The following ST18 variants were observed in gnomAD, a reference collection of about 807,000 sequenced individuals.
ST18 encodes the protein ST18 C2H2C-type zinc finger transcription factor, also known as suppression of tumorigenicity 18 protein.
A neutral mutation model predicts 110.0 loss-of-function variants in ST18; 50 were observed. That is an observed-to-expected ratio of 0.45 (90% CI 0.36 to 0.58). ST18 has a LOEUF of 0.58. Among genes scored for constraint, ST18 ranks in the 20% least tolerant of loss-of-function variants. ST18 has a pLI of 0.00. For synonymous variants in ST18, 461 were observed against 452.4 expected, an observed-to-expected ratio of 1.02 and a Z score of -0.24; for missense variants, 1,306 against 1,280.1, an observed-to-expected ratio of 1.02 and a Z score of -0.31.
intron 15 of ST18, among the ~76,000 whole-genome samples, chr8:52,155,464 T>C (rs538088143): frequency 1.3e-5 from 2 of 152,282 alleles, no homozygotes; most frequent in African/African-American, 2.4e-5. Flanking sequence ...TGGGCAGTGA[T>C]TGGCAATGTC....
intron 2 of ST18, among the ~76,000 whole-genome samples, chr8:52,324,594 G>A (rs961383224): frequency 1.3e-5 from 2 of 152,160 alleles, no homozygotes; most frequent in African/African-American, 4.8e-5. Flanking sequence ...AGCTATGATT[G>A]TACCATTTCT....
chr8:52,311,926 C>T (rs2095921630), intron 2 of ST18, among the ~76,000 whole-genome samples: 1 of 152,162 alleles, frequency 6.6e-6, no homozygotes, highest in South Asian at 2.1e-4. Flanking sequence ...TATGAAACCA[C>T]TGGACAATGT....
chr8:52,137,239 C>G (rs558043551), intron 18 of ST18, among the ~76,000 whole-genome samples, 182 bp downstream of exon 18: 1 of 152,114 alleles, frequency 6.6e-6, no homozygotes, highest in African/African-American at 2.4e-5. Context: ...ATCAGAAAAC[C>G]ATTTTGACCA....
At chr8:52,388,815 T>A (rs1380544353) in intron 2 of ST18, among the ~76,000 whole-genome samples, 1 of 45,484 alleles carries the variant, frequency 2.2e-5, no homozygotes, top group Non-Finnish European at 4.0e-5. Context: ...GGGACTGTTG[T>A]GGGGTGGGGG....
chr8:52,304,819 C>T (rs938982188), intron 2 of ST18, among the ~76,000 whole-genome samples: 36 of 152,254 alleles, frequency 2.4e-4, no homozygotes, highest in Non-Finnish European at 4.4e-4. Flanking sequence ...CATCTTCTTG[C>T]TGTGTTCTCA....
At chr8:52,177,065 C>T (rs1341809300) in intron 9 of ST18, among the ~76,000 whole-genome samples, 2 of 152,176 alleles carry the variant, frequency 1.3e-5, no homozygotes, top group African/African-American at 2.4e-5. Context: ...TCCCCATGAG[C>T]TTGTGGTTAC....
intron 9 of ST18, among the ~76,000 whole-genome samples, chr8:52,173,858 G>A (rs534438136): frequency 6.6e-6 from 1 of 152,322 alleles, no homozygotes; most frequent in South Asian, 2.1e-4. Context: ...AGCACTGAGG[G>A]AGAGAGTGTC....
intron 2 of ST18, chr8:52,405,384 G>T (rs767565164): frequency 6.6e-6 from 1 of 152,160 alleles, no homozygotes. Flanking sequence ...TCCAGTCCAC[G>T]CCAACAACCA....
intron 17 of ST18, 89 bp downstream of exon 17, chr8:52,142,841 C>T: frequency 1.0e-6 from 1 of 964,766 alleles, no homozygotes; most frequent in South Asian, 1.5e-5. Flanking sequence ...CTAACATCAA[C>T]TGTATAAGCC....
intron 23 of ST18, among the ~76,000 whole-genome samples, chr8:52,123,154 G>A (rs2045659861): frequency 6.6e-6 from 1 of 152,082 alleles, no homozygotes; most frequent in East Asian, 1.9e-4. Context: ...GAGAACTAAA[G>A]ATCAATTATT....
At chr8:52,171,591 T>C (rs1203113406) in intron 10 of ST18, 1 of 701,768 alleles carries the variant, frequency 1.4e-6, no homozygotes, top group East Asian at 2.9e-5. Flanking sequence ...GTGAAAATAG[T>C]CCAAAATTAA....
intron 2 of ST18, among the ~76,000 whole-genome samples, chr8:52,246,899 C>T (rs949304338): frequency 2.6e-5 from 4 of 152,078 alleles, no homozygotes; most frequent in Non-Finnish European, 5.9e-5. Flanking sequence ...ACCAGGAAAC[C>T]GAGGCGCAGA....
chr8:52,260,109 T>G (rs1337155593), intron 2 of ST18, among the ~76,000 whole-genome samples: 1 of 152,170 alleles, frequency 6.6e-6, no homozygotes, highest in Admixed American at 6.5e-5. Flanking sequence ...ACGTGAACAC[T>G]AAAATGAACA....
chr8:52,224,057 C>T (rs1398498729), intron 3 of ST18, among the ~76,000 whole-genome samples: 1 of 152,148 alleles, frequency 6.6e-6, no homozygotes, highest in East Asian at 1.9e-4. Context: ...TCTTCTAATG[C>T]TAATATCTTC....
chr8:52,290,823 T>C (rs1322401350), intron 2 of ST18, among the ~76,000 whole-genome samples: 2 of 152,190 alleles, frequency 1.3e-5, no homozygotes, highest in African/African-American at 2.4e-5. Flanking sequence ...CTCTTGTGCT[T>C]TTCCTCCCTG....
Position 52,379,710 on chromosome 8 carries a change from TACAAAAG to T in ST18, c.-465+29611_-465+29617del, listed in dbSNP as rs539068544. Reference sequence around the variant, plus strand: ...TACCATTAAATATACACGAATATATTACAAAAGTTAAAGTTTATCAAAACTCACACAT... The same window carrying T: ...TACCATTAAATATACACGAATATATTTTAAAGTTTATCAAAACTCACACAT... On this transcript the variant is annotated intron_variant, in intron 2 of 25. Transcript: ENST00000689386. Among the ~76,000 whole-genome samples, 51 of 152,298 alleles carry T rather than the reference TACAAAAG, an allele frequency of 3.3e-4. No individual in the cohort carries two copies. In the South Asian group the frequency reaches 5.2e-3, roughly 15 times the overall value.
chr8:52,238,342 AG>A (rs2092967940), intron 2 of ST18, among the ~76,000 whole-genome samples: 1 of 152,216 alleles, frequency 6.6e-6, no homozygotes, highest in Non-Finnish European at 1.5e-5. Flanking sequence ...AGGAAAAAAA[AG>A]GTAGTATATC....
At chr8:52,381,850 C>G (rs1259052049) in intron 2 of ST18, among the ~76,000 whole-genome samples, 1 of 151,846 alleles carries the variant, frequency 6.6e-6, no homozygotes, top group Non-Finnish European at 1.5e-5. Flanking sequence ...GTATTTGAAG[C>G]ACATTACAAA....
chr8:52,272,474 C>T lies in ST18; in HGVS notation c.-464-42397G>A, dbSNP rs919702205. ...GACATAGATATAGATATAATGTTCA[C>T]CGTCACTAATCATCAGGGAAATGCA... is the stretch of plus-strand genomic sequence containing the variant. On this transcript the variant is annotated intron_variant, in intron 2 of 25. Coordinates refer to ENST00000689386, the MANE Select transcript of ST18 (RefSeq NM_001352837.2). 1.1e-4 allele frequency among the ~76,000 whole-genome samples: 17 copies of T among 152,176 alleles called. 1 individual carries two copies. The highest frequency in any genetic ancestry group is 3.9e-4 in the African/African-American group (16 of 41,446).
Sources: allele counts gnomAD v4.1 joint callset (sites outside exome capture counted in the v4.1 genomes callset), GRCh38; gene constraint gnomAD v4.1.1; transcripts MANE v1.5; gene names NCBI Gene and HGNC (gene_info 2026-07-23, HGNC 2026-07-21).